The following DGKI variants were observed in gnomAD, a reference collection of about 807,000 sequenced individuals.
DGKI encodes the protein diacylglycerol kinase iota, also known as DAG kinase iota.
In DGKI, 55 loss-of-function variants were observed where a neutral mutation model predicts 147.5. The ratio of observed to expected loss-of-function variants is 0.37; its 90% CI spans 0.30 to 0.47. The LOEUF (loss-of-function observed/expected upper bound fraction) is 0.47, where lower values mean the gene tolerates loss of function less well. DGKI is among the 20% of genes least tolerant of loss of function. The pLI is 1.00. For missense variants in DGKI, 1,007 were observed against 1,323.8 expected (o/e 0.76, Z 3.71); for synonymous variants, 469 against 477.1 (o/e 0.98, Z 0.22).
chr7:137,546,596 A>C (rs943248671), intron 20 of DGKI, among the ~76,000 whole-genome samples: 2 of 152,260 alleles, frequency 1.3e-5, no homozygotes, highest in Admixed American at 1.3e-4. Context: ...GGGTAGAAAA[A>C]TGAAACCACA....
chr7:137,835,575 C>T (rs1488740636), intron 1 of DGKI, among the ~76,000 whole-genome samples: 1 of 152,108 alleles, frequency 6.6e-6, no homozygotes, highest in Non-Finnish European at 1.5e-5. Flanking sequence ...TCTATCTCTA[C>T]CTGTTTTTTT....
At chr7:137,782,683 C>A (rs1796553541) in intron 1 of DGKI, among the ~76,000 whole-genome samples, 1 of 152,326 alleles carries the variant, frequency 6.6e-6, no homozygotes, top group South Asian at 2.1e-4. Flanking sequence ...GGAGGCCAAC[C>A]AACACAAAAC....
At chr7:137,462,098 T>TTA (rs10559820) in intron 27 of DGKI, among the ~76,000 whole-genome samples, 125 of 151,196 alleles carry the variant, frequency 8.3e-4, no homozygotes, top group African/African-American at 1.8e-3. Flanking sequence ...TGGAAACAGA[T>TTA]TATATATATA....
At chr7:137,418,440 G>C (rs184873332) in intron 28 of DGKI, among the ~76,000 whole-genome samples, 1 of 152,280 alleles carries the variant, frequency 6.6e-6, no homozygotes, top group East Asian at 1.9e-4. Context: ...GACTACTTCT[G>C]AAGGGATGGC....
chr7:137,472,392 T>TAATTATATGTATATGTACA (rs61018353), intron 23 of DGKI, among the ~76,000 whole-genome samples: 5 of 12,842 alleles, frequency 3.9e-4, no homozygotes, highest in African/African-American at 6.4e-4. Flanking sequence ...TATATACATA[T>TAATTATATGTATATGTACA]TATAATTATT....
At chr7:137,558,461 A>G (rs1452441277) in intron 19 of DGKI, among the ~76,000 whole-genome samples, 1 of 152,166 alleles carries the variant, frequency 6.6e-6, no homozygotes, top group Non-Finnish European at 1.5e-5. Flanking sequence ...TATTTTTAGT[A>G]GAGACAGGGT....
rs890190740 is a variant in DGKI at position 137,408,084 on chromosome 7, A to G, written c.2800-89T>C. On this transcript the variant is annotated intron_variant, in intron 29 of 32. Transcript: ENST00000614521. ...GGTAATAAAATGAGAGTCATGTAGC[A>G]GACCACAATGTTTCCAGCCTTAGAG... The G allele has an allele frequency of 6.7e-6, 10 of 1,496,312 alleles. No individual in the cohort carries two copies. In the African/African-American group the frequency reaches 1.3e-4, roughly 19 times the overall value. 92.7% of individuals were successfully genotyped at this position (1,496,312 alleles called of 1,614,324 possible).
At chr7:137,634,385 A>C (rs1217950003) in intron 6 of DGKI, among the ~76,000 whole-genome samples, 1 of 152,224 alleles carries the variant, frequency 6.6e-6, no homozygotes, top group African/African-American at 2.4e-5. Flanking sequence ...GAAAATCAAC[A>C]CAGACTCTAG....
At chr7:137,515,815 T>C (rs1816726889) in intron 21 of DGKI, among the ~76,000 whole-genome samples, 1 of 152,096 alleles carries the variant, frequency 6.6e-6, no homozygotes, top group African/African-American at 2.4e-5. Flanking sequence ...AATAGTACGA[T>C]GTGTGTTAAC....
At chr7:137,675,958 C>A (rs1473814667) in intron 3 of DGKI, among the ~76,000 whole-genome samples, 1 of 152,154 alleles carries the variant, frequency 6.6e-6, no homozygotes, top group Non-Finnish European at 1.5e-5. Flanking sequence ...TCAGCTGTAG[C>A]CCATGTAACC....
intron 1 of DGKI, among the ~76,000 whole-genome samples, chr7:137,767,141 T>G (rs1195156733): frequency 7.9e-5 from 12 of 152,176 alleles, no homozygotes; most frequent in Non-Finnish European, 1.0e-4. Flanking sequence ...TCCTGTCAGC[T>G]CTTCAGAGCC....
chr7:137,642,795 C>T (rs1421087989), intron 6 of DGKI, among the ~76,000 whole-genome samples: 2 of 151,324 alleles, frequency 1.3e-5, no homozygotes, highest in East Asian at 3.9e-4. Flanking sequence ...ATGGAAACCA[C>T]AAACACTCTT....
At chr7:137,767,959 T>C (rs1473369424) in intron 1 of DGKI, among the ~76,000 whole-genome samples, 1 of 152,196 alleles carries the variant, frequency 6.6e-6, no homozygotes, top group Admixed American at 6.5e-5. Context: ...AAGGATCACC[T>C]GAAGCCAGGA....
intron 1 of DGKI, among the ~76,000 whole-genome samples, chr7:137,769,868 G>T (rs1297993907): frequency 6.6e-6 from 1 of 152,226 alleles, no homozygotes; most frequent in Non-Finnish European, 1.5e-5. Flanking sequence ...CTTTTACACT[G>T]TTGGTGGGAG....
intron 1 of DGKI, among the ~76,000 whole-genome samples, chr7:137,770,934 T>C (rs937795876): frequency 1.3e-5 from 2 of 151,830 alleles, no homozygotes; most frequent in Non-Finnish European, 2.9e-5. Context: ...TCAGAAAGAG[T>C]TACCCACTTT....
Position 137,476,969 on chromosome 7 carries a change from C to A in DGKI, c.2374-7350G>T, listed in dbSNP as rs1280052496. Among the ~76,000 whole-genome samples, 3 of 152,178 alleles carry A rather than the reference C, an allele frequency of 2.0e-5. No homozygotes were observed. In the East Asian group the frequency reaches 5.8e-4, roughly 29 times the overall value. ...ATCAAGTTTGAGAGCTCAGAATTTTCTAGACTCAGCTCAAACAAAAGCAGG... is the reference window on the plus strand; with the variant it reads ...ATCAAGTTTGAGAGCTCAGAATTTTATAGACTCAGCTCAAACAAAAGCAGG... On this transcript the variant is annotated intron_variant, in intron 23 of 32. Coordinates refer to ENST00000614521, the MANE Select transcript of DGKI (RefSeq NM_001321708.2).
intron 29 of DGKI, among the ~76,000 whole-genome samples, chr7:137,411,594 G>A (rs370216294): frequency 3.3e-5 from 5 of 152,116 alleles, no homozygotes; most frequent in South Asian, 2.1e-4. Context: ...TGGTAGAGCC[G>A]AGATCCAAAC....
intron 17 of DGKI, among the ~76,000 whole-genome samples, chr7:137,575,004 G>A (rs1327247803): frequency 6.6e-6 from 1 of 152,108 alleles, no homozygotes; most frequent in Non-Finnish European, 1.5e-5. Context: ...CTCACACTCA[G>A]GAAAACATAG....
At chr7:137,435,917 T>C (rs561011777) in intron 28 of DGKI, among the ~76,000 whole-genome samples, 1 of 152,132 alleles carries the variant, frequency 6.6e-6, no homozygotes, top group African/African-American at 2.4e-5. Context: ...GCAGCTGGGA[T>C]TACAGGCATG....
Sources: gnomAD v4.1 joint callset for allele counts (sites outside exome capture counted in the v4.1 genomes callset) on GRCh38, gnomAD v4.1.1 for gene constraint, MANE v1.5 for transcripts, NCBI Gene and HGNC (gene_info 2026-07-23, HGNC 2026-07-21) for gene names.